Variants in SYT9 observed in about 807,000 individuals in gnomAD.
SYT9 encodes synaptotagmin-9.
Under a neutral mutation model 48.4 loss-of-function variants are expected in SYT9, and 22 were observed. That is an observed-to-expected ratio of 0.45 (90% CI 0.32 to 0.65). SYT9 has a LOEUF of 0.65. Among genes scored for constraint, SYT9 ranks in the 30% least tolerant of loss-of-function variants. SYT9 has a pLI of 0.03. For missense variants in SYT9, 577 were observed against 622.0 expected, an observed-to-expected ratio of 0.93 and a Z score of 0.77; for synonymous variants, 265 against 245.0, an observed-to-expected ratio of 1.08 and a Z score of -0.76.
At position 7,303,161 on chromosome 11, in the gene SYT9, G is replaced by C; in HGVS notation, c.268G>C (p.Gly90Arg). 6.2e-7 allele frequency: 1 copy of C among 1,614,140 alleles called. No individual in the cohort carries two copies. Among genetic ancestry groups the C allele is most frequent in the South Asian group, 1.1e-5 (1 of 91,074 alleles). ...GTGGCGAGAACGAGGCCTGCCCTCTGGTAGCAAAGACAACAACCAGGAGCC... is the reference window on the plus strand; with the variant it reads ...GTGGCGAGAACGAGGCCTGCCCTCTCGTAGCAAAGACAACAACCAGGAGCC... Reference protein sequence around the residue: ...VPWRERGLPSGSKDNNQEPLN... With the variant: ...VPWRERGLPSRSKDNNQEPLN... The change falls in exon 2 of 7, where the codon GGT becomes CGT. Residue 90 changes from glycine to arginine, a missense_variant. Transcript: ENST00000318881.
intron 3 of SYT9, among the ~76,000 whole-genome samples, chr11:7,400,128 G>T (rs893999742): frequency 6.6e-6 from 1 of 152,170 alleles, no homozygotes; most frequent in Non-Finnish European, 1.5e-5. Flanking sequence ...ACACTTTCTT[G>T]CACAGCATGC....
At chr11:7,341,929 C>A (rs1246671913) in intron 3 of SYT9, among the ~76,000 whole-genome samples, 4 of 152,044 alleles carry the variant, frequency 2.6e-5, no homozygotes, top group Non-Finnish European at 5.9e-5. Flanking sequence ...TGGTGGAAGG[C>A]AAAAGGCATG....
intron 3 of SYT9, among the ~76,000 whole-genome samples, chr11:7,328,094 TAATA>T (rs376122185): frequency 0.33 from 46,320 of 141,392 alleles, 7,643 homozygotes; most frequent in East Asian, 0.7. Flanking sequence ...ATAATAATAA[TAATA>T]ATTTTAAAAA....
intron 6 of SYT9, among the ~76,000 whole-genome samples, chr11:7,462,735 CATA>C (rs1392118858): frequency 6.6e-6 from 1 of 152,120 alleles, no homozygotes; most frequent in South Asian, 2.1e-4. Context: ...ATATTAAGTA[CATA>C]ATAAGATTAA....
At chr11:7,398,493 T>A (rs927506015) in intron 3 of SYT9, among the ~76,000 whole-genome samples, 3 of 150,452 alleles carry the variant, frequency 2.0e-5, no homozygotes, top group African/African-American at 7.4e-5. Flanking sequence ...CACTGCAAAC[T>A]CCACCTCCCA....
chr11:7,254,523 A>G (rs767482515), intron 1 of SYT9, among the ~76,000 whole-genome samples: 2 of 152,186 alleles, frequency 1.3e-5, no homozygotes, highest in Admixed American at 6.5e-5. Context: ...TCGGAACCCT[A>G]AAAGCTGAGT....
At chr11:7,304,137 AGAG>A (rs1564854450) in intron 2 of SYT9, among the ~76,000 whole-genome samples, 1 of 152,242 alleles carries the variant, frequency 6.6e-6, no homozygotes. Flanking sequence ...CTTCTTCAAA[AGAG>A]GAGTAGATAG....
At chr11:7,397,583 G>A (rs1052752273) in intron 3 of SYT9, among the ~76,000 whole-genome samples, 3 of 152,086 alleles carry the variant, frequency 2.0e-5, no homozygotes, top group African/African-American at 7.2e-5. Context: ...TGATTGGAAT[G>A]GCACTAAATT....
Position 7,293,285 on chromosome 11 carries a change from G to A in SYT9, c.146-9754G>A, listed in dbSNP as rs181615223. ...TCTGTGTCAGTCACAAAAAAAAATT[G>A]CATTTAATGCCATTTGCCAATTTCC... On this transcript the variant is annotated intron_variant, in intron 1 of 6. Transcript: ENST00000318881. Among the ~76,000 whole-genome samples, 37 of 152,212 alleles carry A rather than the reference G, an allele frequency of 2.4e-4. 1 individual carries two copies. The highest frequency in any genetic ancestry group is 6.8e-3 in the Middle Eastern group (2 of 294).
At chr11:7,243,307 T>C (rs1427808395) in intron 1 of SYT9, among the ~76,000 whole-genome samples, 1 of 152,238 alleles carries the variant, frequency 6.6e-6, no homozygotes, top group Non-Finnish European at 1.5e-5. Flanking sequence ...AATAAACTTT[T>C]AATTAATTGA....
At chr11:7,350,708 T>C (rs1252320340) in intron 3 of SYT9, among the ~76,000 whole-genome samples, 1 of 152,168 alleles carries the variant, frequency 6.6e-6, no homozygotes, top group African/African-American at 2.4e-5. Flanking sequence ...AGCTCCTTCT[T>C]TGGTGACTGG....
intron 3 of SYT9, among the ~76,000 whole-genome samples, chr11:7,410,435 G>A (rs1847114837): frequency 6.6e-6 from 1 of 152,056 alleles, no homozygotes; most frequent in African/African-American, 2.4e-5. Flanking sequence ...CTGAAAGTGG[G>A]GTGTTGAATT....
intron 6 of SYT9, among the ~76,000 whole-genome samples, chr11:7,443,551 A>G (rs549153312): frequency 6.6e-6 from 1 of 152,350 alleles, no homozygotes; most frequent in East Asian, 1.9e-4. Flanking sequence ...AGCCAAGGCC[A>G]GTGTCTCCAG....
chr11:7,281,969 A>C (rs1848502231), intron 1 of SYT9, among the ~76,000 whole-genome samples: 1 of 152,190 alleles, frequency 6.6e-6, no homozygotes, highest in Admixed American at 6.5e-5. Context: ...CTTTGTAATT[A>C]TGACACAGGG....
chr11:7,378,796 A>T (rs548844675), intron 3 of SYT9, among the ~76,000 whole-genome samples: 1 of 152,164 alleles, frequency 6.6e-6, no homozygotes, highest in East Asian at 1.9e-4. Context: ...AGAGAATCTC[A>T]TCATCCCGTC....
At chr11:7,261,944 AAGAG>A (rs1307137244) in intron 1 of SYT9, among the ~76,000 whole-genome samples, 1 of 152,162 alleles carries the variant, frequency 6.6e-6, no homozygotes, top group Non-Finnish European at 1.5e-5. Context: ...GTTTTAACAG[AAGAG>A]AGATAACATC....
intron 6 of SYT9, chr11:7,436,058 A>G (rs1295778464): frequency 6.6e-6 from 1 of 152,198 alleles, no homozygotes; most frequent in African/African-American, 2.4e-5. Flanking sequence ...AGCCAGGACT[A>G]TTATAGGAGA....
chr11:7,285,642 CA>C (rs1200935441), intron 1 of SYT9, among the ~76,000 whole-genome samples: 2 of 152,142 alleles, frequency 1.3e-5, no homozygotes, highest in African/African-American at 4.8e-5. Flanking sequence ...AGCATTAACC[CA>C]AAAGTCCAAG....
At chr11:7,299,591 T>C (rs545832568) in intron 1 of SYT9, among the ~76,000 whole-genome samples, 1 of 152,238 alleles carries the variant, frequency 6.6e-6, no homozygotes, top group Admixed American at 6.5e-5. Context: ...CCCTAGAGTT[T>C]ACAGGCCACA....
Sources: allele counts gnomAD v4.1 joint callset (sites outside exome capture counted in the v4.1 genomes callset), GRCh38; gene constraint gnomAD v4.1.1; transcripts MANE v1.5; gene names NCBI Gene and HGNC (gene_info 2026-07-23, HGNC 2026-07-21).